Variants in MTMR1 observed in about 807,000 individuals in gnomAD.
MTMR1 encodes phosphatidylinositol-3-phosphate phosphatase MTMR1.
In MTMR1, 17 loss-of-function variants were observed where a neutral mutation model predicts 51.6. That is an observed-to-expected ratio of 0.33 (90% CI 0.23 to 0.49). The LOEUF is 0.49. Ranked by LOEUF, MTMR1 falls within the 20% of genes least tolerant of loss-of-function variation. MTMR1 has a pLI of 0.99. For missense variants in MTMR1, 386 were observed against 526.9 expected (o/e 0.73, Z 2.62); for synonymous variants, 201 against 205.6 (o/e 0.98, Z 0.19).
intron 2 of MTMR1, among the ~76,000 whole-genome samples, chrX:150,709,173 A>T (rs1017731244): frequency 8.9e-6 from 1 of 112,017 alleles, no homozygotes; most frequent in East Asian, 2.8e-4. Context: ...CTGGCTTACA[A>T]CCTATTCTCC....
chrX:150,714,486 A>G, intron 3 of MTMR1: 17 of 981,909 alleles, frequency 1.7e-5, no homozygotes, highest in Non-Finnish European at 2.3e-5. Flanking sequence ...CAGGAGATTC[A>G]GGAAGAACAC....
chrX:150,722,200 TG>T (rs782627179), intron 4 of MTMR1, among the ~76,000 whole-genome samples: 108 of 112,254 alleles, frequency 9.6e-4, no homozygotes, highest in Non-Finnish European at 6.8e-4. Flanking sequence ...TACATGCAGT[TG>T]AAAAGAATGT....
chrX:150,750,650 T>C (rs2042701191), intron 13 of MTMR1, 80 bp from the exon 14 acceptor site: 4 of 610,133 alleles, frequency 6.6e-6, no homozygotes, highest in Non-Finnish European at 1.0e-5. Flanking sequence ...AGTTGTAGTT[T>C]CGCTGTCTTT....
chrX:150,724,243 A>AT (rs369275548), intron 4 of MTMR1, among the ~76,000 whole-genome samples: 49 of 99,083 alleles, frequency 4.9e-4, no homozygotes, highest in South Asian at 8.7e-4. Context: ...ATCATCTCTT[A>AT]TTTTTTTTTT....
intron 1 of MTMR1, among the ~76,000 whole-genome samples, chrX:150,698,957 C>T (rs2040806321): frequency 9.4e-6 from 1 of 106,043 alleles, no homozygotes; most frequent in Non-Finnish European, 2.0e-5. Flanking sequence ...TTAACTAACA[C>T]CTAGAATCTT....
intron 4 of MTMR1, among the ~76,000 whole-genome samples, chrX:150,725,416 G>A (rs1159855112): frequency 8.9e-6 from 1 of 112,069 alleles, no homozygotes; most frequent in Non-Finnish European, 1.9e-5. Flanking sequence ...TTTGTATGCT[G>A]ATTTTGTATC....
intron 15 of MTMR1, among the ~76,000 whole-genome samples, chrX:150,759,676 G>A (rs782525284): frequency 1.6e-4 from 18 of 109,572 alleles, no homozygotes; most frequent in African/African-American, 3.6e-4. Context: ...CAAACTGCGC[G>A]ACAGATCTGT....
At position 150,750,179 on chromosome X, in the gene MTMR1, C is replaced by T. The variant is rs1557417553; in HGVS notation, c.1567-551C>T. 4.5e-5 allele frequency among the ~76,000 whole-genome samples: 5 copies of T among 111,563 alleles called. No individual in the cohort carries two copies. The Admixed American group carries it at 4.7e-4, about 11-fold the overall frequency. On this transcript the variant is annotated intron_variant, in intron 13 of 15. Coordinates refer to ENST00000445323, the MANE Select transcript of MTMR1 (RefSeq NM_001306144.3). ...ATGGAGTTGTCTTTGTAGGAAGGTT[C>T]TTAACTAGGAGTTGTTTATTTAATA... is the stretch of plus-strand genomic sequence containing the variant.
chrX:150,733,654 C>T (rs782687662), intron 10 of MTMR1, among the ~76,000 whole-genome samples: 67 of 111,287 alleles, frequency 6.0e-4, no homozygotes, highest in African/African-American at 2.1e-3. Flanking sequence ...AATCCTGAGC[C>T]GGTTACTTAA....
intron 14 of MTMR1, among the ~76,000 whole-genome samples, chrX:150,751,828 T>TCCCTCA (rs2089381798): frequency 1.9e-5 from 2 of 107,078 alleles, no homozygotes; most frequent in Non-Finnish European, 1.9e-5. Flanking sequence ...CTTCCACTCC[T>TCCCTCA]CCCTCACCCT....
intron 4 of MTMR1, among the ~76,000 whole-genome samples, chrX:150,722,444 C>T (rs991812385): frequency 5.4e-5 from 6 of 111,932 alleles, no homozygotes; most frequent in African/African-American, 1.9e-4. Flanking sequence ...ATCCTCCTGA[C>T]GAATTGACCT....
intron 12 of MTMR1, among the ~76,000 whole-genome samples, chrX:150,742,766 G>A (rs1291079913): frequency 1.4e-4 from 14 of 96,697 alleles, no homozygotes; most frequent in African/African-American, 3.2e-4. Flanking sequence ...GCAGTGAGCC[G>A]AGATTGCGTC....
chrX:150,715,854 A>G (rs2041494345), intron 3 of MTMR1, among the ~76,000 whole-genome samples: 1 of 112,888 alleles, frequency 8.9e-6, no homozygotes, highest in Non-Finnish European at 1.9e-5. Context: ...TCACTGACAT[A>G]TAAATGCACA....
intron 2 of MTMR1, among the ~76,000 whole-genome samples, chrX:150,703,388 G>C (rs1603232352): frequency 8.9e-6 from 1 of 111,851 alleles, no homozygotes; most frequent in East Asian, 2.8e-4. Flanking sequence ...TTTGATCTGG[G>C]CCAGCTTTAT....
chrX:150,705,292 T>TG lies in MTMR1; in HGVS notation c.252+5993dup, dbSNP rs1423391795. 2.7e-5 allele frequency among the ~76,000 whole-genome samples: 3 copies of TG among 111,491 alleles called. No individual in the cohort carries two copies. The Admixed American group carries it at 2.8e-4, about 11-fold the overall frequency. On this transcript the variant is annotated intron_variant, in intron 2 of 15. Transcript: ENST00000445323. ...CCAAAGGAGAGAGAGGGGATGGGGC[T>TG]GAAAAAGCACCTGAAGAAGTAATGG...
chrX:150,758,548 C>G (rs1337201912), intron 15 of MTMR1, among the ~76,000 whole-genome samples: 1 of 111,837 alleles, frequency 8.9e-6, no homozygotes, highest in Admixed American at 9.5e-5. Context: ...AATCCTAGCA[C>G]TTTGGGAGGC....
Position 150,730,530 on chromosome X carries a change from A to G in MTMR1, c.663A>G (p.Leu221=). Residue 221 remains leucine (L), a synonymous_variant, in exon 8 of 16, where the codon CTA becomes CTG. Transcript: ENST00000445323. The part of the protein sequence containing the change: ...HAFPLSNGQA[L]FAFSYKEKFP... ...TTTGTGGTTTTTGTGTCCAGGCACTATTTGCATTCAGCTATAAAGAAAAAT... is the reference window on the plus strand; with the variant it reads ...TTTGTGGTTTTTGTGTCCAGGCACTGTTTGCATTCAGCTATAAAGAAAAAT... 1 of 1,166,458 alleles carries G rather than the reference A, an allele frequency of 8.6e-7. No individual in the cohort carries two copies. Among genetic ancestry groups the G allele is most frequent in the Non-Finnish European group, 1.2e-6 (1 of 866,954 alleles).
At chrX:150,718,916 G>A (rs954547510) in intron 4 of MTMR1, among the ~76,000 whole-genome samples, 4 of 110,642 alleles carry the variant, frequency 3.6e-5, no homozygotes, top group Admixed American at 2.9e-4. Flanking sequence ...ATTTGATGGC[G>A]TTCCCAACAG....
At chrX:150,731,722 C>T (rs2042122623) in intron 9 of MTMR1, 103 bp downstream of exon 9, 5 of 748,824 alleles carry the variant, frequency 6.7e-6, no homozygotes, top group Non-Finnish European at 5.5e-6. Flanking sequence ...AAATGGAAAG[C>T]AGAAAAATAA....
Sources: allele counts gnomAD v4.1 joint callset (sites outside exome capture counted in the v4.1 genomes callset), GRCh38; gene constraint gnomAD v4.1.1; transcripts MANE v1.5; gene names NCBI Gene and HGNC (gene_info 2026-07-23, HGNC 2026-07-21).